NAALADL2: variants seen among roughly 807,000 people sequenced by gnomAD.
The protein encoded by NAALADL2 is N-acetylated alpha-linked acidic dipeptidase like 2.
In NAALADL2, 76 loss-of-function variants were observed where a neutral mutation model predicts 87.2. The observed-to-expected ratio is 0.87, with a 90% CI of 0.72 to 1.05. The LOEUF (loss-of-function observed/expected upper bound fraction) is 1.05. NAALADL2 is among the 50% of genes least tolerant of loss of function. NAALADL2 has a pLI of 0.00. For synonymous variants in NAALADL2, 354 were observed against 331.0 expected (o/e 1.07, Z -0.75); for missense variants, 1,089 against 945.8 (o/e 1.15, Z -1.99).
intron 2 of NAALADL2, among the ~76,000 whole-genome samples, chr3:174,625,770 T>G (rs1024707143): frequency 2.0e-5 from 3 of 152,034 alleles, no homozygotes; most frequent in African/African-American, 7.2e-5. Context: ...CAAAAAATGT[T>G]TACAATATGT....
chr3:174,521,571 C>CAAAAAAAAAAAAAAAA (rs58465181), intron 1 of NAALADL2, among the ~76,000 whole-genome samples: 5 of 56,188 alleles, frequency 8.9e-5, no homozygotes, highest in Non-Finnish European at 1.2e-4. Context: ...GACCCTGTCT[C>CAAAAAAAAAAAAAAAA]AAAAAAAAAA....
At chr3:174,486,272 A>AG (rs554731934) in intron 1 of NAALADL2, among the ~76,000 whole-genome samples, 306 of 152,210 alleles carry the variant, frequency 2.0e-3, no homozygotes, top group African/African-American at 7.0e-3. Flanking sequence ...TGAGAAGAGC[A>AG]GAATGCTCTA....
chr3:175,121,573 C>T (rs1377506261), intron 2 of NAALADL2, among the ~76,000 whole-genome samples: 3 of 151,782 alleles, frequency 2.0e-5, no homozygotes, highest in African/African-American at 7.3e-5. Flanking sequence ...ATAATTGTTG[C>T]TCTTACGGGA....
chr3:175,364,549 T>A (rs1359793600), intron 5 of NAALADL2, among the ~76,000 whole-genome samples: 1 of 147,768 alleles, frequency 6.8e-6, no homozygotes, highest in Non-Finnish European at 1.5e-5. Flanking sequence ...TAATATTCCC[T>A]CTGAGTCAAA....
chr3:175,374,576 A>AG (rs1766900130), intron 5 of NAALADL2, among the ~76,000 whole-genome samples: 1 of 149,038 alleles, frequency 6.7e-6, no homozygotes, highest in Non-Finnish European at 1.5e-5. Context: ...AAAAAAAAAA[A>AG]AAAAAAAAAG....
At chr3:174,882,670 CATATGTGT>C (rs1208155751) in intron 1 of NAALADL2, among the ~76,000 whole-genome samples, 1 of 120,460 alleles carries the variant, frequency 8.3e-6, no homozygotes, top group South Asian at 2.5e-4. Context: ...TGCATATACA[CATATGTGT>C]ATATGTGTAT....
intron 5 of NAALADL2, among the ~76,000 whole-genome samples, chr3:175,368,562 G>GGTGTGTGTGTGT (rs201958182): frequency 6.8e-6 from 1 of 147,048 alleles, no homozygotes; most frequent in African/African-American, 2.6e-5. Flanking sequence ...GACTGTAGCA[G>GGTGTGTGTGTGT]GTGTGTGTGA....
At chr3:174,568,384 C>T (rs2108527956) in intron 2 of NAALADL2, among the ~76,000 whole-genome samples, 1 of 151,876 alleles carries the variant, frequency 6.6e-6, no homozygotes, top group East Asian at 1.9e-4. Flanking sequence ...GAATCTGTTT[C>T]AGAAAGTCTT....
intron 2 of NAALADL2, among the ~76,000 whole-genome samples, chr3:175,203,546 T>A (rs1740384312): frequency 1.3e-5 from 2 of 152,196 alleles, no homozygotes; most frequent in Non-Finnish European, 2.9e-5. Context: ...TCTATGAGTC[T>A]TCTTGGGATT....
intron 2 of NAALADL2, among the ~76,000 whole-genome samples, chr3:175,179,721 G>T (rs925181032): frequency 6.6e-6 from 1 of 151,922 alleles, no homozygotes; most frequent in Non-Finnish European, 1.5e-5. Context: ...TGAGAGGATT[G>T]CTGGCTTTTT....
intron 2 of NAALADL2, among the ~76,000 whole-genome samples, chr3:174,596,442 T>C (rs1266594632): frequency 1.3e-5 from 2 of 152,206 alleles, no homozygotes; most frequent in Middle Eastern, 3.2e-3. Flanking sequence ...TTTTACACGC[T>C]ATTTCAGTGG....
intron 9 of NAALADL2, among the ~76,000 whole-genome samples, chr3:175,541,009 G>A (rs1396218868): frequency 6.6e-6 from 1 of 152,166 alleles, no homozygotes; most frequent in Non-Finnish European, 1.5e-5. Context: ...GAAAATAACA[G>A]TGAATAGTGA....
chr3:175,594,719 T>C (rs1309253030), intron 10 of NAALADL2, among the ~76,000 whole-genome samples: 1 of 152,196 alleles, frequency 6.6e-6, no homozygotes, highest in Non-Finnish European at 1.5e-5. Flanking sequence ...AGATGGCATC[T>C]CACTGTGTTT....
chr3:174,872,554 T>G (rs976820030), intron 1 of NAALADL2, among the ~76,000 whole-genome samples: 4 of 152,208 alleles, frequency 2.6e-5, no homozygotes, highest in African/African-American at 9.6e-5. Flanking sequence ...TATTATGCCT[T>G]TGTTCATCCA....
At chr3:174,487,757 A>G (rs1026926990) in intron 1 of NAALADL2, among the ~76,000 whole-genome samples, 4 of 151,348 alleles carry the variant, frequency 2.6e-5, no homozygotes, top group Admixed American at 1.3e-4. Context: ...AGACGTGTCT[A>G]TGCTAGAATG....
At chr3:175,557,404 A>G (rs1256425323) in intron 9 of NAALADL2, among the ~76,000 whole-genome samples, 2 of 152,208 alleles carry the variant, frequency 1.3e-5, no homozygotes, top group African/African-American at 4.8e-5. Flanking sequence ...AACACAATCC[A>G]ATTAAACTCT....
chr3:175,113,468 G>C (rs1013978925), intron 2 of NAALADL2, among the ~76,000 whole-genome samples: 10 of 151,554 alleles, frequency 6.6e-5, no homozygotes, highest in Non-Finnish European at 1.2e-4. Context: ...ATCTGTGTCA[G>C]TTTTTCTTGC....
At chr3:175,042,134 C>A (rs1401505819) in intron 1 of NAALADL2, among the ~76,000 whole-genome samples, 2 of 152,108 alleles carry the variant, frequency 1.3e-5, no homozygotes, top group Admixed American at 1.3e-4. Flanking sequence ...CTGATTTAGA[C>A]TTTTTTTAGA....
At chr3:175,483,088 G>A (rs1726741634) in intron 9 of NAALADL2, among the ~76,000 whole-genome samples, 1 of 151,672 alleles carries the variant, frequency 6.6e-6, no homozygotes, top group African/African-American at 2.4e-5. Context: ...CCTACCTAGG[G>A]TGTGATACTA....
Sources: gnomAD v4.1 joint callset for allele counts (sites outside exome capture counted in the v4.1 genomes callset) on GRCh38, gnomAD v4.1.1 for gene constraint, MANE v1.5 for transcripts, NCBI Gene and HGNC (gene_info 2026-07-23, HGNC 2026-07-21) for gene names.